PIK3AP1: variants seen among roughly 807,000 people sequenced by gnomAD.
The protein encoded by PIK3AP1 is phosphoinositide-3-kinase adaptor protein 1.
PIK3AP1 carries 21 observed loss-of-function variants against 88.1 expected under a neutral mutation model. The ratio of observed to expected loss-of-function variants is 0.24; its 90% CI spans 0.17 to 0.34. The LOEUF is 0.34. PIK3AP1 is among the 10% of genes least tolerant of loss of function. PIK3AP1 has a pLI of 1.00. For missense variants in PIK3AP1, 828 were observed against 1,035.7 expected, an observed-to-expected ratio of 0.80 and a Z score of 2.75; for synonymous variants, 398 against 400.0, an observed-to-expected ratio of 1.00 and a Z score of 0.06.
chr10:96,640,028 T>C (rs1564965614), intron 8 of PIK3AP1, among the ~76,000 whole-genome samples: 1 of 152,204 alleles, frequency 6.6e-6, no homozygotes, highest in East Asian at 1.9e-4. Flanking sequence ...AAATGATCTG[T>C]TACAAAGATG....
chr10:96,716,056 G>A lies in PIK3AP1; in HGVS notation c.13+4326C>T, dbSNP rs956364625. Among the ~76,000 whole-genome samples the A allele has an allele frequency of 3.3e-5, 5 of 152,004 alleles. No homozygotes were observed. In the South Asian group the frequency reaches 6.2e-4, roughly 19 times the overall value. ...AGCACTTTGGGAGGCCAATGCAGGC[G>A]GATCACTTGACGCCAGGAGTTCGAG... On this transcript the variant is annotated intron_variant, in intron 1 of 16. Transcript: ENST00000339364.
chr10:96,652,249 A>G lies in PIK3AP1; in HGVS notation c.712+449T>C, dbSNP rs1843548268. ...TTCACCCACACTAGTAATCAAAGAA[A>G]TGCATATGAAAACAATGGACTACTC... On this transcript the variant is annotated intron_variant, in intron 4 of 16. Transcript: ENST00000339364. Among the ~76,000 whole-genome samples, 3 of 152,198 alleles carry G rather than the reference A, an allele frequency of 2.0e-5. No individual in the cohort carries two copies. The South Asian group carries it at 6.2e-4, about 32-fold the overall frequency.
At chr10:96,684,217 T>A (rs2134266374) in intron 2 of PIK3AP1, among the ~76,000 whole-genome samples, 1 of 152,348 alleles carries the variant, frequency 6.6e-6, no homozygotes, top group East Asian at 1.9e-4. Context: ...ACCATTGGCA[T>A]AGCTAGTTAG....
chr10:96,604,284 C>T (rs1848961239), intron 14 of PIK3AP1, among the ~76,000 whole-genome samples: 3 of 150,912 alleles, frequency 2.0e-5, no homozygotes, highest in Non-Finnish European at 4.4e-5. Context: ...CACAAAAGAT[C>T]CTCCTGCCTT....
At chr10:96,687,112 C>T (rs1357571480) in intron 2 of PIK3AP1, among the ~76,000 whole-genome samples, 1 of 151,670 alleles carries the variant, frequency 6.6e-6, no homozygotes, top group Non-Finnish European at 1.5e-5. Context: ...AAAAATTAGC[C>T]GGGTGCGGTG....
At chr10:96,652,558 G>A (rs1407465349) in intron 4 of PIK3AP1, 140 bp downstream of exon 4, 5 of 1,037,212 alleles carry the variant, frequency 4.8e-6, no homozygotes, top group African/African-American at 1.6e-5. Context: ...GGGAGACAGA[G>A]CGAGACTCTG....
chr10:96,633,401 A>T (rs1304045814), intron 8 of PIK3AP1, among the ~76,000 whole-genome samples: 1 of 152,212 alleles, frequency 6.6e-6, no homozygotes, highest in Non-Finnish European at 1.5e-5. Context: ...TCTTGGGCCA[A>T]GTTTTTAAAA....
intron 2 of PIK3AP1, among the ~76,000 whole-genome samples, chr10:96,702,267 G>A (rs1031663052): frequency 3.9e-5 from 6 of 152,122 alleles, no homozygotes; most frequent in Non-Finnish European, 8.8e-5. Flanking sequence ...TCAGGAGGCC[G>A]AGGCGGGAGG....
At chr10:96,694,803 T>C (rs1438438583) in intron 2 of PIK3AP1, among the ~76,000 whole-genome samples, 1 of 152,094 alleles carries the variant, frequency 6.6e-6, no homozygotes, top group African/African-American at 2.4e-5. Context: ...CCTCCCAAAG[T>C]GCTGCACTGG....
At chr10:96,662,469 G>C (rs935634404) in intron 2 of PIK3AP1, among the ~76,000 whole-genome samples, 2 of 152,002 alleles carry the variant, frequency 1.3e-5, no homozygotes, top group Non-Finnish European at 2.9e-5. Context: ...CAGGCATGGT[G>C]GTGGGCGCCT....
intron 2 of PIK3AP1, among the ~76,000 whole-genome samples, chr10:96,680,596 A>G (rs1843986091): frequency 6.6e-6 from 1 of 152,192 alleles, no homozygotes; most frequent in Non-Finnish European, 1.5e-5. Flanking sequence ...TGCTAAGGAT[A>G]ATGGCCACCA....
At chr10:96,630,151 A>T (rs942477991) in intron 8 of PIK3AP1, among the ~76,000 whole-genome samples, 2 of 152,122 alleles carry the variant, frequency 1.3e-5, no homozygotes, top group Non-Finnish European at 2.9e-5. Flanking sequence ...TTGTTACCTT[A>T]TTATCCAAAA....
chr10:96,703,068 G>T (rs569706733), intron 2 of PIK3AP1, among the ~76,000 whole-genome samples: 6 of 152,188 alleles, frequency 3.9e-5, no homozygotes, highest in African/African-American at 1.4e-4. Context: ...GTAGAGACAG[G>T]GTTTCCACCA....
intron 16 of PIK3AP1, among the ~76,000 whole-genome samples, chr10:96,597,267 TTTCTTTCCTTCCTTCCTTCCTTCCTTCC>T: frequency 6.5e-5 from 8 of 122,262 alleles, no homozygotes; most frequent in African/African-American, 2.5e-4. Context: ...TCTTTCTTTC[TTTCTTTCCTTCCTTCCTTCCTTCCTTCC>T]TTCCTTCCTT....
At chr10:96,625,006 T>TGCAAGTTGTCTATTTGAGAGGTGATG (rs1843136078) in intron 10 of PIK3AP1, among the ~76,000 whole-genome samples, 1 of 152,144 alleles carries the variant, frequency 6.6e-6, no homozygotes, top group Non-Finnish European at 1.5e-5. Flanking sequence ...AGGATTCAAG[T>TGCAAGTTGTCTATTTGAGAGGTGATG]GCAAGTTGTC....
chr10:96,686,467 G>A (rs1002634322), intron 2 of PIK3AP1, among the ~76,000 whole-genome samples: 6 of 152,204 alleles, frequency 3.9e-5, no homozygotes, highest in African/African-American at 9.7e-5. Flanking sequence ...GAGCTCCACA[G>A]GAGTCCAGAG....
At chr10:96,649,668 A>G (rs1464557767) in intron 6 of PIK3AP1, among the ~76,000 whole-genome samples, 2 of 152,230 alleles carry the variant, frequency 1.3e-5, no homozygotes, top group African/African-American at 4.8e-5. Context: ...TCTCAACCAG[A>G]AAATACTTCC....
At position 96,645,555 on chromosome 10, in the gene PIK3AP1, C is replaced by T. The variant is rs1843447466; in HGVS notation, c.1293G>A (p.Met431Ile). The change falls in exon 8 of 17, where the codon ATG (methionine) becomes ATA (isoleucine). Residue 431 changes from methionine to isoleucine, a missense_variant. Met to Ile is a conservative substitution (Grantham distance 10, BLOSUM62 1). Transcript: ENST00000339364. ...CACAGCCGGGGTTGAGCGAGCATTT[C>T]ATAAGCAGGTCTGTGGAAAGGTGGG... is the stretch of plus-strand genomic sequence containing the variant. ...SMAHLSTDLL[M>I]KCSLNPGCDE... 2.5e-6 allele frequency: 4 copies of T among 1,613,946 alleles called. 1 individual carries two copies. In the South Asian group the frequency reaches 4.4e-5, roughly 18 times the overall value.
At chr10:96,684,595 G>C (rs554090316) in intron 2 of PIK3AP1, among the ~76,000 whole-genome samples, 1 of 152,322 alleles carries the variant, frequency 6.6e-6, no homozygotes, top group South Asian at 2.1e-4. Context: ...GAGAGAGTTT[G>C]CAGAAATAAT....
Sources: allele counts gnomAD v4.1 joint callset (sites outside exome capture counted in the v4.1 genomes callset), GRCh38; gene constraint gnomAD v4.1.1; transcripts MANE v1.5; gene names NCBI Gene and HGNC (gene_info 2026-07-23, HGNC 2026-07-21).